The following CDH4 variants were observed in gnomAD, a reference collection of about 807,000 sequenced individuals.
CDH4 encodes cadherin 4.
Under a neutral mutation model 86.0 loss-of-function variants are expected in CDH4, and 33 were observed. The ratio of observed to expected loss-of-function variants is 0.38; its 90% CI spans 0.29 to 0.51. The LOEUF is 0.51. Among genes scored for constraint, CDH4 ranks in the 20% least tolerant of loss-of-function variants. The pLI is 0.86. For missense variants in CDH4, 1,114 were observed against 1,307.4 expected (o/e 0.85, Z 2.28); for synonymous variants, 555 against 549.4 (o/e 1.01, Z -0.14).
At chr20:61,830,422 G>A (rs1256048754) in intron 4 of CDH4, among the ~76,000 whole-genome samples, 11 of 152,124 alleles carry the variant, frequency 7.2e-5, no homozygotes, top group Admixed American at 6.5e-4. Flanking sequence ...CTGCATCCAG[G>A]AGGGCAGCAC....
Position 61,544,842 on chromosome 20 carries a change from G to A in CDH4, c.170-198721G>A, listed in dbSNP as rs2145661115. ...ACCTTGTTCCTCGGTTATAAAACTT[G>A]AGCTTTTAATTGAGGGGAGGGGGGA... is the stretch of plus-strand genomic sequence containing the variant. On this transcript the variant is annotated intron_variant, in intron 2 of 15. Coordinates refer to ENST00000614565, the MANE Select transcript of CDH4 (RefSeq NM_001794.5). The surrounding 1 kb of genome is among the most constrained non-coding windows in gnomAD (Gnocchi z 6.5). 6.6e-6 allele frequency among the ~76,000 whole-genome samples: 1 copy of A among 152,242 alleles called. No homozygotes were observed. Among genetic ancestry groups the A allele is most frequent in the African/African-American group, 2.4e-5 (1 of 41,544 alleles).
chr20:61,936,983 G>A lies in CDH4; in HGVS notation c.*40G>A, dbSNP rs576367036. 47 of 1,508,628 alleles carry A rather than the reference G, an allele frequency of 3.1e-5. No homozygotes were observed. The highest frequency in any genetic ancestry group is 7.8e-5 in the South Asian group (6 of 77,406). The allele number at this position is 1,508,628 out of a possible 1,614,324, so 93.5% of individuals were successfully genotyped here. A position where few individuals can be genotyped will look rare whatever the true frequency, so the allele number is the denominator to read the frequency against. On this transcript the variant is annotated 3_prime_UTR_variant, in exon 16 of 16. Coordinates refer to ENST00000614565, the MANE Select transcript of CDH4 (RefSeq NM_001794.5). ...TCGGACCGAAGTGAGAGCCGTGCTC[G>A]GACGCCGGAGGAGCAGGACTGAGCA...
chr20:61,260,738 T>C (rs2084123561), intron 2 of CDH4, among the ~76,000 whole-genome samples: 1 of 152,232 alleles, frequency 6.6e-6, no homozygotes, highest in Non-Finnish European at 1.5e-5. Context: ...GGGATCTCTT[T>C]GGCCATCTCT....
At chr20:61,253,451 C>G (rs1251524228) in intron 1 of CDH4, among the ~76,000 whole-genome samples, 1 of 152,094 alleles carries the variant, frequency 6.6e-6, no homozygotes, top group East Asian at 2.0e-4. Context: ...GCAGGAACCC[C>G]CTCTCGTGGC....
chr20:61,326,043 T>C (rs2084535529), intron 2 of CDH4, among the ~76,000 whole-genome samples: 1 of 152,036 alleles, frequency 6.6e-6, no homozygotes. Flanking sequence ...GTAGTGGGAG[T>C]GGAACTCACT....
At chr20:61,438,175 T>C (rs956336290) in intron 2 of CDH4, among the ~76,000 whole-genome samples, 2 of 152,228 alleles carry the variant, frequency 1.3e-5, no homozygotes, top group African/African-American at 2.4e-5. Flanking sequence ...CCCTGACTTA[T>C]GGGTCAAATT....
At chr20:61,776,669 A>G (rs2088846295) in intron 4 of CDH4, among the ~76,000 whole-genome samples, 1 of 152,236 alleles carries the variant, frequency 6.6e-6, no homozygotes, top group Non-Finnish European at 1.5e-5. Context: ...GCAGCATTTC[A>G]GAAACTGAAC....
At chr20:61,539,996 G>T (rs750324815) in intron 2 of CDH4, among the ~76,000 whole-genome samples, 1 of 152,156 alleles carries the variant, frequency 6.6e-6, no homozygotes, top group African/African-American at 2.4e-5. Flanking sequence ...CCCGATGCCC[G>T]CAGCGTTCAG....
At chr20:61,261,228 G>T (rs1201762021) in intron 2 of CDH4, among the ~76,000 whole-genome samples, 1 of 152,164 alleles carries the variant, frequency 6.6e-6, no homozygotes, top group African/African-American at 2.4e-5. Flanking sequence ...CTAAGTCAGT[G>T]GATCAGGATT....
At chr20:61,839,378 TGTG>T (rs1982033442) in intron 4 of CDH4, among the ~76,000 whole-genome samples, 2 of 151,836 alleles carry the variant, frequency 1.3e-5, no homozygotes, top group South Asian at 2.1e-4. Flanking sequence ...GAATGTGTGT[TGTG>T]TGTGTATGTG....
At chr20:61,749,928 G>A (rs1401587435) in intron 3 of CDH4, among the ~76,000 whole-genome samples, 1 of 152,160 alleles carries the variant, frequency 6.6e-6, no homozygotes, top group Non-Finnish European at 1.5e-5. Context: ...AGGCATGGTG[G>A]CACGCCCCTG....
intron 2 of CDH4, among the ~76,000 whole-genome samples, chr20:61,395,328 A>C (rs1418314926): frequency 6.6e-6 from 1 of 152,202 alleles, no homozygotes; most frequent in Non-Finnish European, 1.5e-5. Flanking sequence ...TTGACATGTT[A>C]AAGTTGCAAA....
At chr20:61,751,415 C>A (rs1217515434) in intron 3 of CDH4, among the ~76,000 whole-genome samples, 1 of 152,188 alleles carries the variant, frequency 6.6e-6, no homozygotes, top group Non-Finnish European at 1.5e-5. Flanking sequence ...ATTAGATAGA[C>A]ACTTGGAACA....
At chr20:61,933,472 C>T (rs1247158999) in intron 14 of CDH4, among the ~76,000 whole-genome samples, 4 of 152,194 alleles carry the variant, frequency 2.6e-5, no homozygotes, top group Non-Finnish European at 4.4e-5. Flanking sequence ...TGTCGACTGA[C>T]CAGGGGCAGT....
chr20:61,858,463 G>A (rs538784963), intron 6 of CDH4, among the ~76,000 whole-genome samples: 1 of 150,876 alleles, frequency 6.6e-6, no homozygotes, highest in Admixed American at 6.6e-5. Flanking sequence ...GTATCTGTGT[G>A]TGTCTCTGTG....
chr20:61,331,370 C>T (rs556022846), intron 2 of CDH4, among the ~76,000 whole-genome samples: 1 of 152,188 alleles, frequency 6.6e-6, no homozygotes, highest in Non-Finnish European at 1.5e-5. Context: ...TTCATGCTTG[C>T]TTAGCCTCTG....
chr20:61,318,079 G>A (rs971872102), intron 2 of CDH4, among the ~76,000 whole-genome samples: 3 of 152,114 alleles, frequency 2.0e-5, no homozygotes, highest in African/African-American at 7.2e-5. Flanking sequence ...CCGGCTGGAG[G>A]GACACTTTTC....
chr20:61,870,064 C>T (rs946368695), intron 6 of CDH4, among the ~76,000 whole-genome samples: 3 of 152,208 alleles, frequency 2.0e-5, no homozygotes, highest in African/African-American at 4.8e-5. Flanking sequence ...ACGCGGGTCT[C>T]TGCCTCACAG....
rs139672418 is a variant in CDH4 at position 61,377,461 on chromosome 20, T to C, written c.169+122524T>C. On this transcript the variant is annotated intron_variant, in intron 2 of 15. Coordinates refer to ENST00000614565, the MANE Select transcript of CDH4 (RefSeq NM_001794.5). The surrounding 1 kb of genome is among the most constrained non-coding windows in gnomAD (Gnocchi z 4.0). The stretch of plus-strand genomic sequence containing the variant: ...CCACCTCCCTGGTGCCTTTCCTGAG[T>C]GTAAAACCCTCCAGCACCAAGACAT... Among the ~76,000 whole-genome samples, 135 of 152,228 alleles carry C rather than the reference T, an allele frequency of 8.9e-4. 2 individuals carry two copies. Among genetic ancestry groups the C allele is most frequent in the Middle Eastern group, 3.4e-3 (1 of 294 alleles).
Sources: gnomAD v4.1 joint callset for allele counts (sites outside exome capture counted in the v4.1 genomes callset) on GRCh38, gnomAD v4.1.1 for gene constraint, Gnocchi (gnomAD v3.1) non-coding constraint, MANE v1.5 for transcripts, NCBI Gene and HGNC (gene_info 2026-07-23, HGNC 2026-07-21) for gene names.